The following HOXA3 variants were observed in gnomAD, a reference collection of about 807,000 sequenced individuals.
HOXA3 encodes the protein homeobox protein Hox-A3.
In HOXA3, 8 loss-of-function variants were observed where a neutral mutation model predicts 30.3. That is an observed-to-expected ratio of 0.26 (90% CI 0.15 to 0.48). The LOEUF is 0.48. HOXA3 is among the 20% of genes least tolerant of loss of function. The probability of loss-of-function intolerance (pLI) is 0.99; values close to 1 mark genes in which losing one functional copy is unlikely to be tolerated. For missense variants in HOXA3, 653 were observed against 614.4 expected, an observed-to-expected ratio of 1.06 and a Z score of -0.66; for synonymous variants, 323 against 273.1, an observed-to-expected ratio of 1.18 and a Z score of -1.80.
intron 4 of HOXA3, chr7:27,122,276 GAAAC>G (rs1349077637): frequency 6.6e-6 from 1 of 152,218 alleles, no homozygotes; most frequent in Non-Finnish European, 1.5e-5. Context: ...CTTGCAGGAA[GAAAC>G]AAACACACTC....
At chr7:27,142,313 G>A (rs773706067) in intron 1 of HOXA3, among the ~76,000 whole-genome samples, 5 of 152,188 alleles carry the variant, frequency 3.3e-5, no homozygotes, top group Non-Finnish European at 5.9e-5. Flanking sequence ...GCCGTGTCCC[G>A]GCGGACTCCG....
intron 2 of HOXA3, chr7:27,130,703 TG>T (rs758115782): frequency 3.1e-6 from 5 of 1,608,518 alleles, no homozygotes; most frequent in Non-Finnish European, 4.2e-6. Flanking sequence ...TCGATGTAGT[TG>T]GAGTTTATCA....
intron 1 of HOXA3, chr7:27,143,161 G>A (rs752398373): frequency 6.2e-7 from 1 of 1,609,726 alleles, no homozygotes; most frequent in South Asian, 1.1e-5. Flanking sequence ...CGTCCTCCTC[G>A]GCTCCGGACG....
At chr7:27,143,104 C>G in intron 1 of HOXA3, 3 of 1,569,764 alleles carry the variant, frequency 1.9e-6, no homozygotes, top group Non-Finnish European at 2.6e-6. Flanking sequence ...CGGGCGGCGC[C>G]GGGCTCGGCT....
At chr7:27,131,237 C>T (rs930293299) in intron 2 of HOXA3, among the ~76,000 whole-genome samples, 4 of 152,232 alleles carry the variant, frequency 2.6e-5, no homozygotes, top group African/African-American at 7.2e-5. Context: ...GCTTCGTGTC[C>T]TTCAGGGGTT....
intron 2 of HOXA3, among the ~76,000 whole-genome samples, chr7:27,129,804 A>G (rs1474166737): frequency 6.6e-6 from 1 of 152,240 alleles, no homozygotes; most frequent in Non-Finnish European, 1.5e-5. Flanking sequence ...ATTGGGGCTG[A>G]AGAAAAGCTT....
chr7:27,135,190 T>C (rs912740987), intron 2 of HOXA3, among the ~76,000 whole-genome samples: 14 of 152,072 alleles, frequency 9.2e-5, no homozygotes, highest in Admixed American at 2.6e-4. Context: ...GCTTTTTTTT[T>C]TAATTCCACG....
At chr7:27,141,842 C>T (rs780972209) in intron 1 of HOXA3, 6 of 1,613,854 alleles carry the variant, frequency 3.7e-6, no homozygotes, top group East Asian at 4.5e-5. Flanking sequence ...TACTCAGGGA[C>T]GGAAGGCCCC....
chr7:27,116,103 C>T (rs964660895), intron 4 of HOXA3: 2 of 152,664 alleles, frequency 1.3e-5, no homozygotes, highest in African/African-American at 2.4e-5. Context: ...CACCCGGCTC[C>T]CCCAAAACCG....
chr7:27,110,679 G>T lies in HOXA3; in HGVS notation c.-39C>A, dbSNP rs748072115. On this transcript the variant is annotated 5_prime_UTR_variant, in exon 5 of 6. Coordinates refer to ENST00000612286, the MANE Select transcript of HOXA3 (RefSeq NM_153631.3). ...GATCTTGATCGCACACTCTGACAGG[G>T]GTTTGACACCCGTGAGGGCGCACAT... 8 of 1,589,332 alleles carry T rather than the reference G, an allele frequency of 5.0e-6. No homozygotes were observed. In the South Asian group the frequency reaches 6.6e-5, roughly 13 times the overall value.
At chr7:27,130,909 G>C (rs536488915) in intron 2 of HOXA3, 28 of 658,222 alleles carry the variant, frequency 4.3e-5, no homozygotes, top group African/African-American at 3.5e-4. Flanking sequence ...ACCAAAGTTC[G>C]AGCCGCTCCT....
chr7:27,115,324 C>T (rs905946588), intron 4 of HOXA3: 3 of 152,106 alleles, frequency 2.0e-5, no homozygotes, highest in African/African-American at 7.2e-5. Flanking sequence ...GAGCACAAAA[C>T]AGCAAACACT....
rs1179865473 is a variant in HOXA3 at position 27,110,754 on chromosome 7, C to A, written c.-114G>T. On this transcript the variant is annotated 5_prime_UTR_variant, in exon 5 of 6. Transcript: ENST00000612286. Reference sequence around the variant, plus strand: ...CACTCCGCCGCCAATGGCCGCCCCGCGCAGACCTGGTGGGGCGAGAAGCGC... The same window carrying A: ...CACTCCGCCGCCAATGGCCGCCCCGAGCAGACCTGGTGGGGCGAGAAGCGC... The A allele has an allele frequency of 5.9e-6, 9 of 1,526,570 alleles. No homozygotes were observed. Among genetic ancestry groups the A allele is most frequent in the Non-Finnish European group, 7.1e-6 (8 of 1,122,852 alleles). The allele number at this position is 1,526,570 out of a possible 1,614,324, so 94.6% of individuals were successfully genotyped here.
In HOXA3 at chr7:27,110,704, T is replaced by C. The variant is rs1356556667; in HGVS notation, c.-64A>G. 1.3e-6 allele frequency: 2 copies of C among 1,581,950 alleles called. No homozygotes were observed. Among genetic ancestry groups the C allele is most frequent in the Non-Finnish European group, 8.6e-7 (1 of 1,156,666 alleles). On this transcript the variant is annotated 5_prime_UTR_variant, in exon 5 of 6. It removes an upstream start codon present in the reference 5' UTR. Coordinates refer to ENST00000612286, the MANE Select transcript of HOXA3 (RefSeq NM_153631.3). Reference sequence around the variant, plus strand: ...GGTTTGACACCCGTGAGGGCGCACATTGGCACGCCCCCGCGGTCACGTGAC... The same window carrying C: ...GGTTTGACACCCGTGAGGGCGCACACTGGCACGCCCCCGCGGTCACGTGAC...
chr7:27,124,092 G>C (rs1785168270), intron 3 of HOXA3: 1 of 152,208 alleles, frequency 6.6e-6, no homozygotes, highest in African/African-American at 2.4e-5. Flanking sequence ...TATTTTTGCT[G>C]TTTCCTTATC....
chr7:27,108,492 C>T lies in HOXA3; in HGVS notation c.755G>A (p.Gly252Asp), dbSNP rs1562709790. The change falls in exon 6 of 6, where the codon GGC becomes GAC. Residue 252 changes from glycine (G) to aspartate (D), a missense_variant. Gly to Asp is a moderately conservative substitution (Grantham distance 94). Transcript: ENST00000612286. The surrounding 1 kb of genome is among the most constrained non-coding windows in gnomAD (Gnocchi z 5.0). ...RRMKYKKDQK[G>D]KGMLTSSGGQ... Reference sequence around the variant, plus strand: ...CCCCGATGACGTTAGCATGCCCTTGCCCTTCTGATCCTTTTTGTACTTCAT... The same window carrying T: ...CCCCGATGACGTTAGCATGCCCTTGTCCTTCTGATCCTTTTTGTACTTCAT... 3.1e-6 allele frequency: 5 copies of T among 1,614,128 alleles called. No homozygotes were observed. Among genetic ancestry groups the T allele is most frequent in the Non-Finnish European group, 4.2e-6 (5 of 1,179,990 alleles).
chr7:27,150,384 A>T (rs1408098988), intron 1 of HOXA3: 1 of 152,386 alleles, frequency 6.6e-6, no homozygotes, highest in Non-Finnish European at 1.5e-5. Context: ...CTGCCCATTG[A>T]ACAGCTCCAC....
chr7:27,150,239 G>T (rs1782923822), intron 1 of HOXA3: 1 of 152,088 alleles, frequency 6.6e-6, no homozygotes, highest in Admixed American at 6.5e-5. Context: ...GGCCTCTCCT[G>T]CGATGGTGAG....
intron 1 of HOXA3, chr7:27,147,871 C>A (rs1782833558): frequency 2.2e-6 from 2 of 912,366 alleles, no homozygotes; most frequent in Non-Finnish European, 3.2e-6. Context: ...AGCAGCAAAT[C>A]GCACCAGCTG....
Sources: allele counts gnomAD v4.1 joint callset (sites outside exome capture counted in the v4.1 genomes callset), GRCh38; gene constraint gnomAD v4.1.1; non-coding constraint Gnocchi (gnomAD v3.1); transcripts MANE v1.5; gene names NCBI Gene and HGNC (gene_info 2026-07-23, HGNC 2026-07-21).